The following LRCH1 variants were observed in gnomAD, a reference collection of about 807,000 sequenced individuals.
LRCH1 encodes leucine rich repeats and calponin homology domain containing 1, also known as leucine-rich repeat and calponin homology domain-containing protein 1.
A neutral mutation model predicts 94.9 loss-of-function variants in LRCH1; 23 were observed. The ratio of observed to expected loss-of-function variants is 0.24; its 90% CI spans 0.17 to 0.34. The LOEUF is 0.34. Ranked by LOEUF, LRCH1 falls within the 10% of genes least tolerant of loss-of-function variation. LRCH1 has a pLI of 1.00. For synonymous variants in LRCH1, 364 were observed against 354.9 expected, an observed-to-expected ratio of 1.03 and a Z score of -0.29; for missense variants, 790 against 945.9, an observed-to-expected ratio of 0.84 and a Z score of 2.16.
At chr13:46,667,998 A>G (rs2051544117) in intron 2 of LRCH1, among the ~76,000 whole-genome samples, 1 of 152,240 alleles carries the variant, frequency 6.6e-6, no homozygotes, top group Non-Finnish European at 1.5e-5. Flanking sequence ...GTGTGTGCAA[A>G]CACACAGCAG....
chr13:46,708,764 G>A (rs1273536038), intron 13 of LRCH1, among the ~76,000 whole-genome samples: 2 of 152,180 alleles, frequency 1.3e-5, no homozygotes, highest in African/African-American at 2.4e-5. Flanking sequence ...CATCAGCAAA[G>A]GTGAACTCTA....
At chr13:46,710,367 G>A (rs1405616411) in intron 13 of LRCH1, among the ~76,000 whole-genome samples, 1 of 152,154 alleles carries the variant, frequency 6.6e-6, no homozygotes, top group Non-Finnish European at 1.5e-5. Flanking sequence ...TGAGCCACAC[G>A]GAAAGGGGAG....
intron 2 of LRCH1, among the ~76,000 whole-genome samples, chr13:46,660,304 G>A (rs531640547): frequency 1.3e-5 from 2 of 151,988 alleles, no homozygotes; most frequent in African/African-American, 4.8e-5. Flanking sequence ...GTGAGCCACC[G>A]CACCTGGCCT....
intron 1 of LRCH1, among the ~76,000 whole-genome samples, chr13:46,610,485 T>G (rs534586100): frequency 1.6e-4 from 24 of 152,060 alleles, no homozygotes; most frequent in African/African-American, 5.8e-4. Context: ...ATATCTTTTT[T>G]TCCTTTTTTT....
intron 2 of LRCH1, among the ~76,000 whole-genome samples, chr13:46,659,467 G>A (rs2051417687): frequency 6.6e-6 from 1 of 152,098 alleles, no homozygotes; most frequent in Non-Finnish European, 1.5e-5. Context: ...TGCTAGGACT[G>A]TAAGCGTGAG....
intron 2 of LRCH1, among the ~76,000 whole-genome samples, chr13:46,664,467 G>A (rs2051489408): frequency 6.6e-6 from 1 of 152,186 alleles, no homozygotes; most frequent in Non-Finnish European, 1.5e-5. Flanking sequence ...ACAGTATTCA[G>A]TACAGTAACG....
At chr13:46,719,278 G>A (rs964640792) in intron 16 of LRCH1, among the ~76,000 whole-genome samples, 3 of 152,232 alleles carry the variant, frequency 2.0e-5, no homozygotes, top group African/African-American at 2.4e-5. Context: ...TGAGCTTTAA[G>A]TGAGGGAGTG....
intron 1 of LRCH1, among the ~76,000 whole-genome samples, chr13:46,593,695 G>GGATCCATCCTTCTGATCGCCAGGTCCT (rs2050527344): frequency 6.6e-6 from 1 of 152,106 alleles, no homozygotes; most frequent in Non-Finnish European, 1.5e-5. Flanking sequence ...GGCCCAGGCG[G>GGATCCATCCTTCTGATCGCCAGGTCCT]GATCCATCCT....
At chr13:46,558,258 A>G (rs1031813448) in intron 1 of LRCH1, among the ~76,000 whole-genome samples, 16 of 152,342 alleles carry the variant, frequency 1.1e-4, no homozygotes, top group African/African-American at 3.8e-4. Flanking sequence ...TGAGGTGCCA[A>G]GTAGCACTGA....
chr13:46,593,050 G>A (rs2050518014), intron 1 of LRCH1, among the ~76,000 whole-genome samples: 1 of 151,410 alleles, frequency 6.6e-6, no homozygotes, highest in African/African-American at 2.4e-5. Flanking sequence ...AGCCTTTCCT[G>A]CTTGCCTTTA....
intron 1 of LRCH1, among the ~76,000 whole-genome samples, chr13:46,589,158 T>G (rs1423053728): frequency 6.6e-6 from 1 of 151,974 alleles, no homozygotes; most frequent in Admixed American, 6.6e-5. Flanking sequence ...CACCTCAGCC[T>G]CCCAAGTAGC....
Position 46,687,836 on chromosome 13 carries a change from A to G in LRCH1, c.823-16A>G, listed in dbSNP as rs1870700978. Reference sequence around the variant, plus strand: ...TCATTGAAAAATGAATATGATTGCTATTAATTTCTTTGTAGATTTGCACAA... The same window carrying G: ...TCATTGAAAAATGAATATGATTGCTGTTAATTTCTTTGTAGATTTGCACAA... On this transcript the variant is annotated splice_polypyrimidine_tract_variant and intron_variant, in intron 5 of 19. Coordinates refer to ENST00000389797, the MANE Select transcript of LRCH1 (RefSeq NM_001164211.2). 1 of 1,602,628 alleles carries G rather than the reference A, an allele frequency of 6.2e-7. No individual in the cohort carries two copies.
At chr13:46,688,386 T>A (rs948117708) in intron 6 of LRCH1, among the ~76,000 whole-genome samples, 2 of 152,206 alleles carry the variant, frequency 1.3e-5, no homozygotes, top group African/African-American at 2.4e-5. Flanking sequence ...CAGAACAATG[T>A]TAAGAAAAAA....
intron 1 of LRCH1, among the ~76,000 whole-genome samples, chr13:46,590,329 C>T (rs1046392584): frequency 6.6e-6 from 1 of 152,160 alleles, no homozygotes; most frequent in Non-Finnish European, 1.5e-5. Flanking sequence ...CTTCCATGGC[C>T]ATGAGTATGT....
At chr13:46,610,590 T>C (rs1359587903) in intron 1 of LRCH1, among the ~76,000 whole-genome samples, 1 of 152,148 alleles carries the variant, frequency 6.6e-6, no homozygotes, top group African/African-American at 2.4e-5. Context: ...TTTTCATTCC[T>C]GAGTTACTTC....
chr13:46,719,252 C>T (rs1365289727), intron 16 of LRCH1, among the ~76,000 whole-genome samples: 8 of 152,222 alleles, frequency 5.3e-5, no homozygotes, highest in Non-Finnish European at 7.3e-5. Flanking sequence ...TTTGCAATGA[C>T]GTTCTCCAAA....
At chr13:46,729,194 A>G (rs1424701376) in intron 18 of LRCH1, among the ~76,000 whole-genome samples, 2 of 152,272 alleles carry the variant, frequency 1.3e-5, no homozygotes, top group Non-Finnish European at 2.9e-5. Flanking sequence ...TAAAATAAAT[A>G]TATAAATGAC....
chr13:46,738,890 G>A (rs938618501), intron 19 of LRCH1, among the ~76,000 whole-genome samples: 1 of 152,082 alleles, frequency 6.6e-6, no homozygotes, highest in African/African-American at 2.4e-5. Context: ...TTGGCAATTA[G>A]TTGTCATATA....
At position 46,560,166 on chromosome 13, in the gene LRCH1, G is replaced by C. The variant is rs975799867; in HGVS notation, c.307+6463G>C. Among the ~76,000 whole-genome samples, 7 of 70,210 alleles carry C rather than the reference G, an allele frequency of 1.0e-4. No homozygotes were observed. In the Admixed American group the frequency reaches 1.2e-3, roughly 12 times the overall value. 46.1% of individuals were successfully genotyped at this position (70,210 alleles called of 152,430 possible). ...ATATATATAGACTTTTTATATTTCAGCTGGGCAGCATTTACTTGCTCTTAA... is the reference window on the plus strand; with the variant it reads ...ATATATATAGACTTTTTATATTTCACCTGGGCAGCATTTACTTGCTCTTAA... On this transcript the variant is annotated intron_variant, in intron 1 of 19. Coordinates refer to ENST00000389797, the MANE Select transcript of LRCH1 (RefSeq NM_001164211.2).
Sources: allele counts gnomAD v4.1 joint callset (sites outside exome capture counted in the v4.1 genomes callset), GRCh38; gene constraint gnomAD v4.1.1; transcripts MANE v1.5; gene names NCBI Gene and HGNC (gene_info 2026-07-23, HGNC 2026-07-21).